Variants in RAB11FIP5 observed in about 807,000 individuals in gnomAD.
RAB11FIP5 encodes the protein rab11 family-interacting protein 5.
Under a neutral mutation model 85.1 loss-of-function variants are expected in RAB11FIP5, and 48 were observed. The observed-to-expected ratio is 0.56, with a 90% CI of 0.45 to 0.72. The LOEUF (loss-of-function observed/expected upper bound fraction) is 0.72, where lower values mean the gene tolerates loss of function less well. Ranked by LOEUF, RAB11FIP5 falls within the 30% of genes least tolerant of loss-of-function variation. The pLI, the probability that RAB11FIP5 is intolerant of heterozygous loss-of-function variation, is 0.00. For missense variants in RAB11FIP5, 1,491 were observed against 1,687.0 expected, an observed-to-expected ratio of 0.88 and a Z score of 2.04; for synonymous variants, 729 against 727.3, an observed-to-expected ratio of 1.00 and a Z score of -0.04.
intron 1 of RAB11FIP5, among the ~76,000 whole-genome samples, chr2:73,103,191 T>C (rs1684461628): frequency 1.3e-5 from 2 of 152,180 alleles, no homozygotes; most frequent in Non-Finnish European, 2.9e-5. Flanking sequence ...ATACAGCCTC[T>C]TATCAGGCCA....
In RAB11FIP5 at chr2:73,081,741, C is replaced by T. The variant is rs1683989208; in HGVS notation, c.1569-78G>A. ...GGCCCCTGAGTCCCACGCCCCACCC[C>T]CTGCTTCGGGACCAGGGGCCATAAC... On this transcript the variant is annotated intron_variant, in intron 3 of 5. Coordinates refer to ENST00000486777, the MANE Select transcript of RAB11FIP5 (RefSeq NM_001371272.1). This position sits in a 1 kb window ranked among gnomAD's most constrained non-coding sequence, Gnocchi z 4.2. 2 of 1,183,284 alleles carry T rather than the reference C, an allele frequency of 1.7e-6. No homozygotes were observed. Among genetic ancestry groups the T allele is most frequent in the Non-Finnish European group, 1.1e-6 (1 of 943,850 alleles). The allele number at this position is 1,183,284 out of a possible 1,614,324, so 73.3% of individuals were successfully genotyped here. A position where few individuals can be genotyped will look rare whatever the true frequency, so the allele number is the denominator to read the frequency against.
chr2:73,075,958 C>G lies in RAB11FIP5; in HGVS notation c.3771+35G>C. The G allele has an allele frequency of 6.3e-7, 1 of 1,589,020 alleles. No individual in the cohort carries two copies. The highest frequency in any genetic ancestry group is 1.1e-5 in the South Asian group (1 of 87,744). ...AAGCCCTGAGACTCCACCACACATT[C>G]TGTCAGATGGCCCCCACACCCTGCT... On this transcript the variant is annotated intron_variant, in intron 5 of 5. Coordinates refer to ENST00000486777, the MANE Select transcript of RAB11FIP5 (RefSeq NM_001371272.1). The surrounding 1 kb of genome is among the most constrained non-coding windows in gnomAD (Gnocchi z 4.6).
intron 1 of RAB11FIP5, among the ~76,000 whole-genome samples, chr2:73,099,698 C>G (rs1684391666): frequency 6.6e-6 from 1 of 152,230 alleles, no homozygotes; most frequent in Admixed American, 6.5e-5. Context: ...CCACATGCAC[C>G]TGCTAGCTGG....
intron 3 of RAB11FIP5, 113 bp downstream of exon 3, chr2:73,087,937 C>A (rs980770950): frequency 1.8e-4 from 192 of 1,080,922 alleles, no homozygotes; most frequent in Non-Finnish European, 2.5e-4. Flanking sequence ...AGCCAGAGCC[C>A]CAGCAGCCTG....
intron 1 of RAB11FIP5, among the ~76,000 whole-genome samples, chr2:73,109,185 G>A (rs1010018311): frequency 1.3e-5 from 2 of 152,184 alleles, no homozygotes; most frequent in Non-Finnish European, 2.9e-5. Flanking sequence ...GTTTCCTTGT[G>A]TACTACCATT....
chr2:73,076,950 C>T (rs984107441), intron 4 of RAB11FIP5, among the ~76,000 whole-genome samples: 4 of 152,172 alleles, frequency 2.6e-5, no homozygotes, highest in African/African-American at 4.8e-5. Context: ...TCTGTGGAGC[C>T]GACACTTGAA....
rs1367540463 is a variant in RAB11FIP5, at chr2:73,081,491, T to TGGC, written c.1738_1740dup (p.Ala580dup). The TGGC allele has an allele frequency of 8.1e-6, 10 of 1,234,044 alleles. No homozygotes were observed. Among genetic ancestry groups the TGGC allele is most frequent in the African/African-American group, 1.6e-5 (1 of 64,230 alleles). The allele number at this position is 1,234,044 out of a possible 1,614,324, so 76.4% of individuals were successfully genotyped here. On this transcript the variant is annotated inframe_insertion, in exon 4 of 6. Transcript: ENST00000486777. This position sits in a 1 kb window ranked among gnomAD's most constrained non-coding sequence, Gnocchi z 4.2. ...GGGGTGGCTTCAGGGGCGGCGGTGG[T>TGGC]GGCGGCAGCGGCAGCAGTGGCAGCA... is the stretch of plus-strand genomic sequence containing the variant.
At chr2:73,085,260 G>T (rs1266660461) in intron 3 of RAB11FIP5, among the ~76,000 whole-genome samples, 1 of 152,176 alleles carries the variant, frequency 6.6e-6, no homozygotes, top group Non-Finnish European at 1.5e-5. Flanking sequence ...AGGCACTGCA[G>T]AGACTGCCAG....
rs1683945791 is a variant in RAB11FIP5 at position 73,080,239 on chromosome 2, G to C, written c.2993C>G (p.Pro998Arg). 7 of 1,232,828 alleles carry C rather than the reference G, an allele frequency of 5.7e-6. No individual in the cohort carries two copies. Among genetic ancestry groups the C allele is most frequent in the Non-Finnish European group, 7.1e-6 (7 of 988,564 alleles). The allele number at this position is 1,232,828 out of a possible 1,614,324, so 76.4% of individuals were successfully genotyped here. A position where few individuals can be genotyped will look rare whatever the true frequency, so the allele number is the denominator to read the frequency against. The change falls in exon 4 of 6, where the codon CCT (proline) becomes CGT (arginine). Residue 998 changes from proline to arginine, a missense_variant. Around this residue, in one of 3 missense-constraint regions of RAB11FIP5, gnomAD observed 1,211 missense variants for 1,338.0 expected, o/e 0.91. Coordinates refer to ENST00000486777, the MANE Select transcript of RAB11FIP5 (RefSeq NM_001371272.1). ...ACAGGGTATGGGGGCAGGACCCTCA[G>C]GGCAGCTGGCGGGTGCAGACAGGCA... ...GPCLSAPASCPEGPAPIPCHS... is the reference protein window; with the variant it reads ...GPCLSAPASCREGPAPIPCHS...
In RAB11FIP5 at chr2:73,074,863, A is replaced by AAG. The variant is rs1683822208; in HGVS notation, c.*657_*658insCT. The AAG allele has an allele frequency of 3.8e-6, 1 of 266,544 alleles. No individual in the cohort carries two copies. The highest frequency in any genetic ancestry group is 7.4e-6 in the Non-Finnish European group (1 of 134,544). 16.5% of individuals were successfully genotyped at this position (266,544 alleles called of 1,614,324 possible). On this transcript the variant is annotated 3_prime_UTR_variant, in exon 6 of 6. Transcript: ENST00000486777. ...CGTGGAAAGGTCAGAGGGGTCAGGG[A>AAG]GCAGCCTGAAGCACACACATCATCC...
At chr2:73,111,580 C>A (rs1018516475) in intron 1 of RAB11FIP5, among the ~76,000 whole-genome samples, 44 of 152,216 alleles carry the variant, frequency 2.9e-4, no homozygotes, top group African/African-American at 9.9e-4. Context: ...TTTAAAAAAA[C>A]CCTGGCCCAC....
chr2:73,094,475 G>A (rs900627183), intron 1 of RAB11FIP5, among the ~76,000 whole-genome samples: 4 of 152,100 alleles, frequency 2.6e-5, no homozygotes, highest in African/African-American at 4.8e-5. Flanking sequence ...GCTATGCATC[G>A]GTGCAGGATT....
Position 73,075,433 on chromosome 2 carries a change from G to T in RAB11FIP5, c.*88C>A. 7.7e-7 allele frequency: 1 copy of T among 1,291,572 alleles called. No homozygotes were observed. Among genetic ancestry groups the T allele is most frequent in the Non-Finnish European group, 1.1e-6 (1 of 886,372 alleles). 80.0% of individuals were successfully genotyped at this position (1,291,572 alleles called of 1,614,324 possible). A position where few individuals can be genotyped will look rare whatever the true frequency, so the allele number is the denominator to read the frequency against. ...GGAGTGACAAGGCAAGACAGACGAT[G>T]CCCCACTGCAGATGAGAGAGTTCAG... On this transcript the variant is annotated 3_prime_UTR_variant, in exon 6 of 6. Transcript: ENST00000486777. This position sits in a 1 kb window ranked among gnomAD's most constrained non-coding sequence, Gnocchi z 4.6.
chr2:73,112,438 G>T lies in RAB11FIP5; in HGVS notation c.340C>A (p.His114Asn). 6.4e-7 allele frequency: 1 copy of T among 1,574,318 alleles called. No individual in the cohort carries two copies. The highest frequency in any genetic ancestry group is 8.6e-7 in the Non-Finnish European group (1 of 1,166,318). ...TTGTCGACGCCGATGAGCGAGCGGT[G>T]CATGGTGGTGAGCACCAGCTCGCAG... ...AACELVLTTM[H>N]RSLIGVDKFL... Residue 114 changes from histidine (H) to asparagine (N), a missense_variant, in exon 1 of 6, where the codon CAC (histidine) becomes AAC (asparagine). By Grantham distance (68) the His-to-Asn change is moderately conservative. Coordinates refer to ENST00000486777, the MANE Select transcript of RAB11FIP5 (RefSeq NM_001371272.1).
chr2:73,086,453 C>A lies in RAB11FIP5; in HGVS notation c.1568+1597G>T, dbSNP rs933085248. On this transcript the variant is annotated intron_variant, in intron 3 of 5. Transcript: ENST00000486777. The surrounding 1 kb of genome is among the most constrained non-coding windows in gnomAD (Gnocchi z 4.4). ...CAGTGACAACCCCACAGACTCACAGCCTGTGGGAGTCCAAGCCCAAAGCCT... is the reference window on the plus strand; with the variant it reads ...CAGTGACAACCCCACAGACTCACAGACTGTGGGAGTCCAAGCCCAAAGCCT... Among the ~76,000 whole-genome samples the A allele has an allele frequency of 4.6e-5, 7 of 152,208 alleles. No individual in the cohort carries two copies. The highest frequency in any genetic ancestry group is 1.7e-4 in the African/African-American group (7 of 41,458).
chr2:73,089,370 C>T lies in RAB11FIP5; in HGVS notation c.432-55G>A. Reference sequence around the variant, plus strand: ...AGTCACGGGCCCAGGGAGCCTGGCTCCCGCCCGGTACCAGGCACTGCCCAG... The same window carrying T: ...AGTCACGGGCCCAGGGAGCCTGGCTTCCGCCCGGTACCAGGCACTGCCCAG... On this transcript the variant is annotated intron_variant, in intron 1 of 5. Transcript: ENST00000486777. The surrounding 1 kb of genome is among the most constrained non-coding windows in gnomAD (Gnocchi z 4.6). 2.5e-6 allele frequency: 4 copies of T among 1,575,876 alleles called. No homozygotes were observed. Among genetic ancestry groups the T allele is most frequent in the East Asian group, 2.2e-5 (1 of 44,704 alleles).
intron 1 of RAB11FIP5, among the ~76,000 whole-genome samples, chr2:73,100,457 GCT>G (rs1684408116): frequency 7.4e-6 from 1 of 135,496 alleles, no homozygotes; most frequent in South Asian, 2.3e-4. Context: ...ATGGAGTCTC[GCT>G]CTGTCATCTA....
chr2:73,084,975 T>G (rs1027366283), intron 3 of RAB11FIP5, among the ~76,000 whole-genome samples: 4 of 152,094 alleles, frequency 2.6e-5, no homozygotes, highest in African/African-American at 9.7e-5. Context: ...CTGGGCACAA[T>G]GAGGTGACAG....
In RAB11FIP5 at chr2:73,079,987, G is replaced by T; in HGVS notation, c.3245C>A (p.Pro1082Gln). Residue 1082 changes from proline to glutamine, a missense_variant, in exon 4 of 6, where the codon CCG (proline) becomes CAG (glutamine). Pro to Gln is a moderately conservative substitution (Grantham distance 76, BLOSUM62 -1). Coordinates refer to ENST00000486777, the MANE Select transcript of RAB11FIP5 (RefSeq NM_001371272.1). Reference sequence around the variant, plus strand: ...AATAGAAGATTCCCTCGACCCTGGCGGGGATGCAGATGAGAGGCTGGGAGG... The same window carrying T: ...AATAGAAGATTCCCTCGACCCTGGCTGGGATGCAGATGAGAGGCTGGGAGG... Reference protein sequence around the residue: ...RDPPSLSSASPPGSRESSIHS... With the variant: ...RDPPSLSSASQPGSRESSIHS... 1 of 1,232,228 alleles carries T rather than the reference G, an allele frequency of 8.1e-7. No homozygotes were observed. Among genetic ancestry groups the T allele is most frequent in the East Asian group, 3.2e-5 (1 of 31,702 alleles). The allele number at this position is 1,232,228 out of a possible 1,614,324, so 76.3% of individuals were successfully genotyped here.
Sources: gnomAD v4.1 joint callset for allele counts (sites outside exome capture counted in the v4.1 genomes callset) on GRCh38, gnomAD v4.1.1 for gene constraint, gnomAD v4.1.1 regional missense constraint, Gnocchi (gnomAD v3.1) non-coding constraint, MANE v1.5 for transcripts, NCBI Gene and HGNC (gene_info 2026-07-23, HGNC 2026-07-21) for gene names.